SAFB: variants seen among roughly 807,000 people sequenced by gnomAD.
SAFB encodes the protein scaffold attachment factor B1.
SAFB carries 15 observed loss-of-function variants against 101.6 expected under a neutral mutation model. The observed-to-expected ratio is 0.15, with a 90% CI of 0.10 to 0.23. The LOEUF is 0.23. Ranked by LOEUF, SAFB falls within the 10% of genes least tolerant of loss-of-function variation. The pLI, the probability that SAFB is intolerant of heterozygous loss-of-function variation, is 1.00. For missense variants in SAFB, 930 were observed against 1,104.1 expected (o/e 0.84, Z 2.23); for synonymous variants, 449 against 407.5 (o/e 1.10, Z -1.23).
intron 2 of SAFB, among the ~76,000 whole-genome samples, chr19:5,630,116 A>G (rs73920034): frequency 0.01 from 1,579 of 152,214 alleles, 29 homozygotes; most frequent in African/African-American, 0.036. Flanking sequence ...ATTTCACTAA[A>G]CTCAACATCA....
intron 11 of SAFB, 85 bp from the exon 12 acceptor site, chr19:5,653,974 CAT>C (rs2053997596): frequency 2.3e-6 from 3 of 1,295,790 alleles, no homozygotes; most frequent in Non-Finnish European, 3.3e-6. Flanking sequence ...CTCCCGGTCT[CAT>C]GTGATCCGCC....
chr19:5,640,381 T>TC (rs2053680787), intron 2 of SAFB, among the ~76,000 whole-genome samples: 3 of 146,220 alleles, frequency 2.1e-5, no homozygotes, highest in South Asian at 2.2e-4. Context: ...TTTTTTTTTT[T>TC]CTGGAGATGG....
rs750447717 is a variant in SAFB at position 5,661,770 on chromosome 19, G to A, written c.2115G>A (p.Glu705=). Residue 705 remains glutamate (E), a synonymous_variant, in exon 15 of 21, where the codon GAG becomes GAA. Transcript: ENST00000588852. ...RRQQELRYEQ[E]RRPAVRRPYD... ...AGCAGGAACTGCGCTATGAGCAGGA[G>A]CGGCGGCCCGCGGTGCGGCGGCCCT... The A allele has an allele frequency of 1.3e-6, 2 of 1,568,546 alleles. No homozygotes were observed. Among genetic ancestry groups the A allele is most frequent in the Admixed American group, 3.8e-5 (2 of 53,180 alleles).
At chr19:5,627,096 G>T (rs559952878) in intron 2 of SAFB, among the ~76,000 whole-genome samples, 68 of 151,788 alleles carry the variant, frequency 4.5e-4, no homozygotes, top group African/African-American at 1.4e-3. Flanking sequence ...GATCACTTGA[G>T]CCCAGGAGCT....
intron 17 of SAFB, chr19:5,664,668 C>T (rs2054289659): frequency 2.1e-6 from 1 of 485,620 alleles, no homozygotes; most frequent in African/African-American, 2.0e-5. Context: ...AGCCTTGACC[C>T]TGGGGTTCTG....
chr19:5,640,491 G>A (rs1433143901), intron 2 of SAFB, among the ~76,000 whole-genome samples: 3 of 149,448 alleles, frequency 2.0e-5, no homozygotes, highest in South Asian at 2.2e-4. Flanking sequence ...TCAGCCTCCC[G>A]AGTGGCTGGG....
At chr19:5,661,848 A>C in intron 15 of SAFB, 40 bp downstream of exon 15, 3 of 1,406,406 alleles carry the variant, frequency 2.1e-6, no homozygotes, top group Non-Finnish European at 1.9e-6. Context: ...TGGCGTTCAG[A>C]ATCGTGTTAG....
intron 1 of SAFB, 61 bp from the exon 2 acceptor site, chr19:5,626,344 T>C (rs1282993366): frequency 4.3e-6 from 4 of 933,520 alleles, no homozygotes; most frequent in Non-Finnish European, 7.1e-6. Context: ...ACCTGAGAGC[T>C]CTCTGAAAGC....
At chr19:5,630,099 G>A (rs73920033) in intron 2 of SAFB, among the ~76,000 whole-genome samples, 5,770 of 152,234 alleles carry the variant, frequency 0.038, 393 homozygotes, top group African/African-American at 0.13. Flanking sequence ...AATGGGTGAC[G>A]GTGCCTATTT....
intron 2 of SAFB, 106 bp downstream of exon 2, chr19:5,626,595 C>T: frequency 3.0e-6 from 2 of 676,034 alleles, no homozygotes; most frequent in Non-Finnish European, 5.2e-6. Flanking sequence ...TTGTGAACCA[C>T]TCTGAACTGG....
At position 5,661,706 on chromosome 19, in the gene SAFB, A is replaced by G. The variant is rs748942994; in HGVS notation, c.2051A>G (p.Gln684Arg). The G allele has an allele frequency of 1.2e-6, 2 of 1,604,262 alleles. No individual in the cohort carries two copies. The highest frequency in any genetic ancestry group is 2.2e-5 in the East Asian group (1 of 44,598). Reference sequence around the variant, plus strand: ...GTGGAGCACGAGCGCAGGCGCGAGCAGGAGCGCATCCACCGTGAGCGCGAG... The same window carrying G: ...GTGGAGCACGAGCGCAGGCGCGAGCGGGAGCGCATCCACCGTGAGCGCGAG... ...MHVEHERRRE[Q>R]ERIHREREEL... is the part of the protein sequence containing the mutation. The change falls in exon 15 of 21, where the codon CAG (glutamine) becomes CGG (arginine). Residue 684 changes from glutamine to arginine, a missense_variant. Gln to Arg is a conservative substitution (Grantham distance 43). Transcript: ENST00000588852.
intron 17 of SAFB, 125 bp downstream of exon 17, chr19:5,664,564 C>A (rs1405688141): frequency 5.2e-6 from 4 of 765,474 alleles, no homozygotes; most frequent in Non-Finnish European, 9.0e-6. Flanking sequence ...AAAAGTAAAG[C>A]ACTAGAAAAG....
intron 13 of SAFB, among the ~76,000 whole-genome samples, chr19:5,656,177 A>G (rs979675484): frequency 6.6e-6 from 1 of 152,182 alleles, no homozygotes; most frequent in Non-Finnish European, 1.5e-5. Context: ...TCCACATCTG[A>G]TGGTTAGGCA....
At chr19:5,644,051 T>C (rs2053775738) in intron 4 of SAFB, among the ~76,000 whole-genome samples, 1 of 152,210 alleles carries the variant, frequency 6.6e-6, no homozygotes, top group Non-Finnish European at 1.5e-5. Context: ...TGTTTTGTTT[T>C]GTTTTTGTTT....
intron 2 of SAFB, among the ~76,000 whole-genome samples, chr19:5,637,421 A>G (rs1222317920): frequency 6.6e-6 from 1 of 151,694 alleles, no homozygotes; most frequent in Non-Finnish European, 1.5e-5. Flanking sequence ...TGAGAGGCCC[A>G]AGCAGGAGAC....
chr19:5,631,757 T>C (rs2145406268), intron 2 of SAFB, among the ~76,000 whole-genome samples: 1 of 152,236 alleles, frequency 6.6e-6, no homozygotes, highest in Admixed American at 6.5e-5. Flanking sequence ...TCAAAATAAT[T>C]ATCAGGGGCT....
chr19:5,667,528 G>T lies in SAFB; in HGVS notation c.2557+78G>T, dbSNP rs1180674693. ...ATGGAGGCCGCGCCTTCTCTCCTTGGGGGAGCACAGGAGGTGCTCTGCTCT... is the reference window on the plus strand; with the variant it reads ...ATGGAGGCCGCGCCTTCTCTCCTTGTGGGAGCACAGGAGGTGCTCTGCTCT... On this transcript the variant is annotated intron_variant, in intron 19 of 20. Transcript: ENST00000588852. The surrounding 1 kb of genome is among the most constrained non-coding windows in gnomAD (Gnocchi z 4.0). The T allele has an allele frequency of 3.9e-6, 4 of 1,015,094 alleles. No homozygotes were observed. In the Admixed American group the frequency reaches 1.1e-4, roughly 29 times the overall value. 62.9% of individuals were successfully genotyped at this position (1,015,094 alleles called of 1,614,324 possible).
rs150455724 is a variant in SAFB, at chr19:5,636,318, T to C, written c.275-5276T>C. On this transcript the variant is annotated intron_variant, in intron 2 of 20. Coordinates refer to ENST00000588852, the MANE Select transcript of SAFB (RefSeq NM_001201338.2). ...AGAAACCAACGTACGTATCATAGAA[T>C]TGTAGCAACTTTATCAAATGTAATC... Among the ~76,000 whole-genome samples the C allele has an allele frequency of 1.2e-3, 178 of 152,226 alleles. 1 individual carries two copies. Among genetic ancestry groups the C allele is most frequent in the Middle Eastern group, 3.4e-3 (1 of 292 alleles).
chr19:5,661,405 C>T (rs951170171), intron 14 of SAFB, 113 bp from the exon 15 acceptor site: 1 of 1,528,928 alleles, frequency 6.5e-7, no homozygotes, highest in Non-Finnish European at 8.8e-7. Context: ...CTGCAGACCA[C>T]GTAGTGGACG....
Sources: allele counts gnomAD v4.1 joint callset (sites outside exome capture counted in the v4.1 genomes callset), GRCh38; gene constraint gnomAD v4.1.1; non-coding constraint Gnocchi (gnomAD v3.1); transcripts MANE v1.5; gene names NCBI Gene and HGNC (gene_info 2026-07-23, HGNC 2026-07-21).